The following TSHZ2 variants were observed in gnomAD, a reference collection of about 807,000 sequenced individuals.
TSHZ2 encodes the protein teashirt homolog 2.
A neutral mutation model predicts 74.4 loss-of-function variants in TSHZ2; 21 were observed. The observed-to-expected ratio is 0.28, with a 90% CI of 0.20 to 0.41. The LOEUF (loss-of-function observed/expected upper bound fraction) is 0.41. Ranked by LOEUF, TSHZ2 falls within the 10% of genes least tolerant of loss-of-function variation. TSHZ2 has a pLI of 1.00. For missense variants in TSHZ2, 1,244 were observed against 1,293.5 expected, an observed-to-expected ratio of 0.96 and a Z score of 0.59; for synonymous variants, 540 against 515.3, an observed-to-expected ratio of 1.05 and a Z score of -0.65.
In TSHZ2 at chr20:53,268,342, T is replaced by C. The variant is rs376313610; in HGVS notation, c.*8+11771T>C. Among the ~76,000 whole-genome samples the C allele has an allele frequency of 1.2e-4, 18 of 152,330 alleles. No individual in the cohort carries two copies. In the South Asian group the frequency reaches 1.5e-3, roughly 12 times the overall value. On this transcript the variant is annotated intron_variant, in intron 2 of 2. Transcript: ENST00000371497. ...GTTAAGGAATGGGGGTGGATCTTTA[T>C]AATTGAGAAATTCAGATGTTCTGAA...
At chr20:53,070,975 G>A (rs1985154755) in intron 1 of TSHZ2, among the ~76,000 whole-genome samples, 1 of 152,122 alleles carries the variant, frequency 6.6e-6, no homozygotes, top group Non-Finnish European at 1.5e-5. Flanking sequence ...TTAAAGTAAT[G>A]GGTACTATTT....
chr20:53,333,496 C>T (rs1311524956), intron 2 of TSHZ2, among the ~76,000 whole-genome samples: 1 of 151,804 alleles, frequency 6.6e-6, no homozygotes, highest in Non-Finnish European at 1.5e-5. Context: ...CGCTCTGTCA[C>T]CCAGGCTGGA....
intron 1 of TSHZ2, among the ~76,000 whole-genome samples, chr20:53,136,433 CTACTGGGAA>C (rs59533081): frequency 0.083 from 12,580 of 152,192 alleles, 563 homozygotes; most frequent in African/African-American, 0.096. Context: ...GGCAGATGGA[CTACTGGGAA>C]TAATAACTCC....
chr20:53,316,176 T>C (rs1979008335), intron 2 of TSHZ2, among the ~76,000 whole-genome samples: 1 of 152,154 alleles, frequency 6.6e-6, no homozygotes, highest in Admixed American at 6.5e-5. Flanking sequence ...GAAAGGAAAA[T>C]GATGTCAACC....
At chr20:53,387,064 C>T (rs1347540367) in intron 2 of TSHZ2, among the ~76,000 whole-genome samples, 1 of 152,180 alleles carries the variant, frequency 6.6e-6, no homozygotes, top group African/African-American at 2.4e-5. Flanking sequence ...ACCACCACTT[C>T]CTTCTCCCTG....
At chr20:53,032,114 A>G (rs967042447) in intron 1 of TSHZ2, among the ~76,000 whole-genome samples, 2 of 152,184 alleles carry the variant, frequency 1.3e-5, no homozygotes, top group African/African-American at 4.8e-5. Flanking sequence ...CAATCTATTC[A>G]TTCTGTGCAT....
At chr20:53,216,469 C>A (rs1402263642) in intron 1 of TSHZ2, among the ~76,000 whole-genome samples, 1 of 152,156 alleles carries the variant, frequency 6.6e-6, no homozygotes, top group African/African-American at 2.4e-5. Flanking sequence ...AAATGTGAAC[C>A]CCTAGCTAGG....
intron 2 of TSHZ2, among the ~76,000 whole-genome samples, chr20:53,307,889 T>A (rs1179890661): frequency 6.6e-6 from 1 of 152,130 alleles, no homozygotes; most frequent in Admixed American, 6.5e-5. Context: ...TCAATCAGAT[T>A]GGAACGCTAC....
At chr20:53,050,190 T>C (rs1226259749) in intron 1 of TSHZ2, among the ~76,000 whole-genome samples, 5 of 145,322 alleles carry the variant, frequency 3.4e-5, no homozygotes, top group South Asian at 2.1e-4. Flanking sequence ...TATATATGTA[T>C]ATATATATAT....
chr20:53,383,723 T>C (rs1211073055), intron 2 of TSHZ2, among the ~76,000 whole-genome samples: 1 of 152,150 alleles, frequency 6.6e-6, no homozygotes, highest in Non-Finnish European at 1.5e-5. Context: ...ATTGCACCAT[T>C]GCACTCCAGC....
At chr20:53,395,511 T>C (rs1982414184) in intron 2 of TSHZ2, among the ~76,000 whole-genome samples, 1 of 152,220 alleles carries the variant, frequency 6.6e-6, no homozygotes, top group South Asian at 2.1e-4. Flanking sequence ...CAATAAATAA[T>C]GCAAAAATTA....
chr20:53,128,757 G>A (rs1987020732), intron 1 of TSHZ2, among the ~76,000 whole-genome samples: 1 of 152,026 alleles, frequency 6.6e-6, no homozygotes, highest in Admixed American at 6.6e-5. Context: ...GAGTAGCTGG[G>A]ACTACAGGTG....
At chr20:53,397,363 A>G (rs1341433212) in intron 2 of TSHZ2, among the ~76,000 whole-genome samples, 1 of 152,208 alleles carries the variant, frequency 6.6e-6, no homozygotes, top group African/African-American at 2.4e-5. Flanking sequence ...CAGCCAACAG[A>G]CACATGAAAA....
intron 2 of TSHZ2, among the ~76,000 whole-genome samples, chr20:53,445,486 T>A (rs1175448500): frequency 1.3e-5 from 2 of 152,228 alleles, no homozygotes; most frequent in African/African-American, 4.8e-5. Context: ...CAGTGAGCCA[T>A]GAGCTAGTGG....
At chr20:53,007,350 A>G (rs1202540721) in intron 1 of TSHZ2, among the ~76,000 whole-genome samples, 2 of 152,222 alleles carry the variant, frequency 1.3e-5, no homozygotes, top group African/African-American at 4.8e-5. Context: ...CAGAAATCAG[A>G]TGGACCAAAC....
At chr20:53,359,926 TG>T (rs1289181010) in intron 2 of TSHZ2, among the ~76,000 whole-genome samples, 1 of 152,114 alleles carries the variant, frequency 6.6e-6, no homozygotes, top group African/African-American at 2.4e-5. Context: ...ACAAACATCG[TG>T]GGGGAAAGTC....
chr20:53,252,418 T>G (rs1990353150), intron 1 of TSHZ2, among the ~76,000 whole-genome samples: 1 of 152,212 alleles, frequency 6.6e-6, no homozygotes, highest in South Asian at 2.1e-4. Context: ...AAACTGGATC[T>G]CCTTTTCTTT....
chr20:53,433,584 G>GACACAC (rs59162370), intron 2 of TSHZ2, among the ~76,000 whole-genome samples: 12,784 of 136,984 alleles, frequency 0.093, 613 homozygotes, highest in African/African-American at 0.12. Flanking sequence ...CAGACACACA[G>GACACAC]ACACACACAC....
At chr20:53,409,834 CTTTTTTTTTTTT>C (rs71194475) in intron 2 of TSHZ2, among the ~76,000 whole-genome samples, 20 of 49,360 alleles carry the variant, frequency 4.1e-4, no homozygotes, top group Admixed American at 1.6e-3. Flanking sequence ...GTTTTCTTTT[CTTTTTTTTTTTT>C]TTTTTTTTTT....
Sources: allele counts gnomAD v4.1 joint callset (sites outside exome capture counted in the v4.1 genomes callset), GRCh38; gene constraint gnomAD v4.1.1; transcripts MANE v1.5; gene names NCBI Gene and HGNC (gene_info 2026-07-23, HGNC 2026-07-21).